MDN1: variants seen among roughly 807,000 people sequenced by gnomAD.
The protein encoded by MDN1 is midasin.
In MDN1, 266 loss-of-function variants were observed where a neutral mutation model predicts 669.2. The ratio of observed to expected loss-of-function variants is 0.40; its 90% CI spans 0.36 to 0.44. The LOEUF (loss-of-function observed/expected upper bound fraction) is 0.44. Among genes scored for constraint, MDN1 ranks in the 20% least tolerant of loss-of-function variants. The pLI is 1.00. For missense variants in MDN1, 5,940 were observed against 6,754.0 expected (o/e 0.88, Z 4.22); for synonymous variants, 2,385 against 2,457.1 (o/e 0.97, Z 0.87).
At chr6:89,650,360 A>C (rs1808765000) in intron 96 of MDN1, among the ~76,000 whole-genome samples, 162 bp from the exon 97 acceptor site, 1 of 152,148 alleles carries the variant, frequency 6.6e-6, no homozygotes. Context: ...GATCTTCTTG[A>C]CCTCTAGCCA....
chr6:89,652,565 G>A (rs1808950926), intron 94 of MDN1, among the ~76,000 whole-genome samples: 1 of 152,186 alleles, frequency 6.6e-6, no homozygotes, highest in Non-Finnish European at 1.5e-5. Flanking sequence ...TAATGAAAAT[G>A]TTATCTGATT....
intron 36 of MDN1, among the ~76,000 whole-genome samples, chr6:89,728,352 T>A (rs1189032097): frequency 6.6e-6 from 1 of 152,126 alleles, no homozygotes; most frequent in Non-Finnish European, 1.5e-5. Context: ...TAAAAAAAAA[T>A]TTAAGCAAAA....
chr6:89,684,938 A>G lies in MDN1; in HGVS notation c.11767T>C (p.Phe3923Leu). 1 of 1,613,880 alleles carries G rather than the reference A, an allele frequency of 6.2e-7. No individual in the cohort carries two copies. Among genetic ancestry groups the G allele is most frequent in the Non-Finnish European group, 8.5e-7 (1 of 1,179,770 alleles). The change falls in exon 71 of 102, where the codon TTC becomes CTC. Residue 3923 changes from phenylalanine (F) to leucine (L), a missense_variant. Around this residue, in one of 5 missense-constraint regions of MDN1, gnomAD observed 2,280 missense variants for 2,576.3 expected, o/e 0.88. Coordinates refer to ENST00000369393, the MANE Select transcript of MDN1 (RefSeq NM_014611.3). ...ATTTTGGCCTGGACCCGGTCAAAGA[A>G]TTGCTTGTAATAATGGTACAAATTC... ...LWNLYHYYKQ[F>L]FDRVQAKIVE...
intron 1 of MDN1, among the ~76,000 whole-genome samples, chr6:89,812,146 CG>C (rs1768463891): frequency 6.6e-6 from 1 of 151,846 alleles, no homozygotes; most frequent in African/African-American, 2.4e-5. Flanking sequence ...CCACCACACC[CG>C]GCTAATTTTT....
chr6:89,761,411 C>T (rs1393379409), intron 17 of MDN1, among the ~76,000 whole-genome samples: 1 of 151,902 alleles, frequency 6.6e-6, no homozygotes, highest in African/African-American at 2.4e-5. Context: ...CCTTTTGTAC[C>T]CCATGAATAT....
At chr6:89,766,931 CTTCT>C (rs1817829798) in intron 15 of MDN1, among the ~76,000 whole-genome samples, 3 of 151,590 alleles carry the variant, frequency 2.0e-5, no homozygotes, top group African/African-American at 7.3e-5. Context: ...TATTTTTTTT[CTTCT>C]TTCATTGCCA....
chr6:89,814,108 C>G (rs574108421), intron 1 of MDN1, among the ~76,000 whole-genome samples: 2 of 151,928 alleles, frequency 1.3e-5, no homozygotes, highest in Admixed American at 6.6e-5. Context: ...AATTCTAAGC[C>G]CCCCCAACCA....
intron 5 of MDN1, among the ~76,000 whole-genome samples, chr6:89,791,534 C>A (rs1302265060): frequency 6.6e-6 from 1 of 151,880 alleles, no homozygotes; most frequent in Non-Finnish European, 1.5e-5. Context: ...TATTGAATAC[C>A]CAGGTCTATC....
At chr6:89,771,445 CT>C in intron 15 of MDN1, 115 bp downstream of exon 15, 1 of 876,974 alleles carries the variant, frequency 1.1e-6, no homozygotes, top group South Asian at 1.7e-5. Flanking sequence ...TGAGAAAACT[CT>C]TTTTCTATTG....
intron 19 of MDN1, among the ~76,000 whole-genome samples, chr6:89,757,266 C>G (rs1483337094): frequency 6.6e-6 from 1 of 152,096 alleles, no homozygotes; most frequent in Admixed American, 6.5e-5. Context: ...CATGTCAGTG[C>G]TTAGTGGCGA....
intron 33 of MDN1, among the ~76,000 whole-genome samples, chr6:89,734,831 A>G (rs1230918636): frequency 1.3e-5 from 2 of 151,714 alleles, no homozygotes; most frequent in East Asian, 3.9e-4. Context: ...AGAACTATAC[A>G]GTTTCTTATC....
At chr6:89,738,229 T>C in intron 33 of MDN1, 97 bp downstream of exon 33, 1 of 1,398,072 alleles carries the variant, frequency 7.2e-7, no homozygotes, top group Non-Finnish European at 9.8e-7. Flanking sequence ...TAACACACCA[T>C]ATACACACAG....
chr6:89,814,814 T>G (rs1198489473), intron 1 of MDN1: 2 of 471,662 alleles, frequency 4.2e-6, no homozygotes, highest in Non-Finnish European at 8.6e-6. Context: ...GGGTTCTCTG[T>G]GCAGACAGTT....
At chr6:89,653,523 CAAAGA>C (rs1809032896) in intron 93 of MDN1, among the ~76,000 whole-genome samples, 3 of 152,130 alleles carry the variant, frequency 2.0e-5, no homozygotes, top group Non-Finnish European at 4.4e-5. Flanking sequence ...AGGAAACAGG[CAAAGA>C]AAAGATCAAT....
intron 97 of MDN1, 144 bp downstream of exon 97, chr6:89,649,880 C>T (rs1808729839): frequency 2.4e-6 from 2 of 847,982 alleles, no homozygotes; most frequent in Admixed American, 2.8e-5. Flanking sequence ...ATTCTCAAAA[C>T]AGGCCTAACA....
intron 1 of MDN1, among the ~76,000 whole-genome samples, chr6:89,805,065 G>C (rs1767928599): frequency 7.2e-6 from 1 of 138,958 alleles, no homozygotes; most frequent in Non-Finnish European, 1.6e-5. Flanking sequence ...AAAAATTCTA[G>C]TGCCCGGGTT....
chr6:89,805,731 T>C (rs1414080918), intron 1 of MDN1, among the ~76,000 whole-genome samples: 1 of 152,188 alleles, frequency 6.6e-6, no homozygotes, highest in African/African-American at 2.4e-5. Context: ...CATGAAAACA[T>C]TTGATTCTGA....
At position 89,747,735 on chromosome 6, in the gene MDN1, C is replaced by T. The variant is rs553269716; in HGVS notation, c.3763-265G>A. Among the ~76,000 whole-genome samples, 57 of 149,402 alleles carry T rather than the reference C, an allele frequency of 3.8e-4. No homozygotes were observed. The East Asian group carries it at 5.4e-3, about 14-fold the overall frequency. ...TGAAACCCCGTCTCTACTAAAAATA[C>T]AAAAAATTAGCCGGGCGTGGTGGCG... On this transcript the variant is annotated intron_variant, in intron 26 of 101. Coordinates refer to ENST00000369393, the MANE Select transcript of MDN1 (RefSeq NM_014611.3).
rs1397340312 is a variant in MDN1, at chr6:89,695,009, G to A, written c.9771+596C>T. On this transcript the variant is annotated intron_variant, in intron 61 of 101. Transcript: ENST00000369393. The surrounding 1 kb of genome is among the most constrained non-coding windows in gnomAD (Gnocchi z 4.1). Reference sequence around the variant, plus strand: ...AGCACTTTGGGAGGCCAAGGCGGGTGGATCACTTGAGGTCAGAATTCAAGA... The same window carrying A: ...AGCACTTTGGGAGGCCAAGGCGGGTAGATCACTTGAGGTCAGAATTCAAGA... Among the ~76,000 whole-genome samples the A allele has an allele frequency of 6.6e-6, 1 of 152,152 alleles. No homozygotes were observed. The highest frequency in any genetic ancestry group is 2.4e-5 in the African/African-American group (1 of 41,438).
Sources: gnomAD v4.1 joint callset for allele counts (sites outside exome capture counted in the v4.1 genomes callset) on GRCh38, gnomAD v4.1.1 for gene constraint, gnomAD v4.1.1 regional missense constraint, Gnocchi (gnomAD v3.1) non-coding constraint, MANE v1.5 for transcripts, NCBI Gene and HGNC (gene_info 2026-07-23, HGNC 2026-07-21) for gene names.